Variants in HECW1 observed in about 807,000 individuals in gnomAD.
HECW1 encodes HECT, C2 and WW domain containing E3 ubiquitin protein ligase 1, also known as E3 ubiquitin-protein ligase HECW1.
Under a neutral mutation model 182.3 loss-of-function variants are expected in HECW1, and 61 were observed. That is an observed-to-expected ratio of 0.33 (90% CI 0.27 to 0.41). HECW1 has a LOEUF of 0.41. HECW1 is among the 10% of genes least tolerant of loss of function. HECW1 has a pLI of 1.00. For synonymous variants in HECW1, 859 were observed against 832.6 expected, an observed-to-expected ratio of 1.03 and a Z score of -0.55; for missense variants, 1,739 against 2,108.9, an observed-to-expected ratio of 0.82 and a Z score of 3.44.
chr7:43,210,301 G>A (rs1406841154), intron 2 of HECW1, among the ~76,000 whole-genome samples: 4 of 152,126 alleles, frequency 2.6e-5, no homozygotes, highest in African/African-American at 9.7e-5. Context: ...GGTGCATTGT[G>A]ATGAGGTGAG....
chr7:43,408,483 G>T (rs2075685383), intron 8 of HECW1, among the ~76,000 whole-genome samples: 1 of 149,710 alleles, frequency 6.7e-6, no homozygotes, highest in African/African-American at 2.5e-5. Flanking sequence ...AGAAGTTCAA[G>T]ACCAGCCTGG....
At position 43,360,966 on chromosome 7, in the gene HECW1, A is replaced by C. The variant is rs759139966; in HGVS notation, c.541A>C (p.Asn181His). The C allele has an allele frequency of 6.2e-7, 1 of 1,610,672 alleles. No homozygotes were observed. The highest frequency in any genetic ancestry group is 1.1e-5 in the South Asian group (1 of 90,398). Residue 181 changes from asparagine to histidine, a missense_variant, in exon 6 of 30, where the codon AAC becomes CAC. Around this residue, in one of 5 missense-constraint regions of HECW1, gnomAD observed 279 missense variants for 353.1 expected, o/e 0.79. Coordinates refer to ENST00000395891, the MANE Select transcript of HECW1 (RefSeq NM_015052.5). ...AACCACCCCCAGTGTCACGGTCAAAAACTCGGCAGCTCCTGTAAGTCTCAT... is the reference window on the plus strand; with the variant it reads ...AACCACCCCCAGTGTCACGGTCAAACACTCGGCAGCTCCTGTAAGTCTCAT... The part of the protein sequence containing the change: ...RATTPSVTVK[N>H]SAAPIFKSIG...
At chr7:43,473,143 C>T (rs1316635079) in intron 16 of HECW1, among the ~76,000 whole-genome samples, 1 of 152,192 alleles carries the variant, frequency 6.6e-6, no homozygotes, top group African/African-American at 2.4e-5. Flanking sequence ...AACAGCCTGG[C>T]ACCCACCCTC....
rs117148654 is a variant in HECW1, at chr7:43,304,356, G to A, written c.28-7407G>A. Among the ~76,000 whole-genome samples the A allele has an allele frequency of 2.4e-4, 37 of 152,264 alleles. No homozygotes were observed. In the East Asian group the frequency reaches 6.7e-3, roughly 28 times the overall value. On this transcript the variant is annotated intron_variant, in intron 3 of 29. Transcript: ENST00000395891. Reference sequence around the variant, plus strand: ...CAATTCGAGCAATTCTGGGCACCAAGCCTAGTGCTTACAAGAATTCCTGAG... The same window carrying A: ...CAATTCGAGCAATTCTGGGCACCAAACCTAGTGCTTACAAGAATTCCTGAG...
chr7:43,177,089 G>A (rs1167175740), intron 2 of HECW1, among the ~76,000 whole-genome samples: 1 of 152,156 alleles, frequency 6.6e-6, no homozygotes, highest in Non-Finnish European at 1.5e-5. Flanking sequence ...GAAATTGTAG[G>A]CAAACATTTT....
chr7:43,390,884 A>C lies in HECW1; in HGVS notation c.556-5930A>C, dbSNP rs547337640. On this transcript the variant is annotated intron_variant, in intron 6 of 29. Coordinates refer to ENST00000395891, the MANE Select transcript of HECW1 (RefSeq NM_015052.5). ...GCTGGAATGTAACAAAGAGCCCACCAAGAGTTTTGCCTAGGCTTTTCCTGG... is the reference window on the plus strand; with the variant it reads ...GCTGGAATGTAACAAAGAGCCCACCCAGAGTTTTGCCTAGGCTTTTCCTGG... Among the ~76,000 whole-genome samples, 60 of 152,292 alleles carry C rather than the reference A, an allele frequency of 3.9e-4. 1 individual carries two copies. The South Asian group carries it at 0.012, about 29-fold the overall frequency.
chr7:43,448,663 A>G (rs2077139418), intron 11 of HECW1, among the ~76,000 whole-genome samples: 1 of 152,214 alleles, frequency 6.6e-6, no homozygotes, highest in South Asian at 2.1e-4. Context: ...ATCTAAAACA[A>G]TCCTTTGAAT....
chr7:43,428,318 C>T (rs1018227622), intron 8 of HECW1, among the ~76,000 whole-genome samples: 1 of 152,176 alleles, frequency 6.6e-6, no homozygotes, highest in Non-Finnish European at 1.5e-5. Context: ...GATTGTATTC[C>T]ATTTTTGCAG....
At chr7:43,531,430 C>T (rs1007072046) in intron 24 of HECW1, among the ~76,000 whole-genome samples, 1 of 152,216 alleles carries the variant, frequency 6.6e-6, no homozygotes, top group African/African-American at 2.4e-5. Context: ...TCTTCCTATG[C>T]ACCTGGCACA....
At chr7:43,188,717 C>T (rs1291574838) in intron 2 of HECW1, among the ~76,000 whole-genome samples, 2 of 152,120 alleles carry the variant, frequency 1.3e-5, no homozygotes, top group African/African-American at 4.8e-5. Flanking sequence ...TACTTTGGGT[C>T]ACAATTCATT....
At chr7:43,358,585 A>G (rs1263396076) in intron 5 of HECW1, among the ~76,000 whole-genome samples, 9 of 152,248 alleles carry the variant, frequency 5.9e-5, no homozygotes, top group Admixed American at 6.5e-5. Flanking sequence ...AATGGCTTCA[A>G]AAAAATTTAA....
At chr7:43,472,485 G>C (rs1203648659) in intron 16 of HECW1, among the ~76,000 whole-genome samples, 1 of 152,094 alleles carries the variant, frequency 6.6e-6, no homozygotes, top group African/African-American at 2.4e-5. Context: ...CTAGTATATA[G>C]TTGGCATTCA....
intron 2 of HECW1, among the ~76,000 whole-genome samples, chr7:43,173,739 C>G (rs1191008900): frequency 1.3e-5 from 2 of 152,162 alleles, no homozygotes; most frequent in East Asian, 3.9e-4. Context: ...TCCAAACAGG[C>G]CAAGGACCAC....
intron 2 of HECW1, among the ~76,000 whole-genome samples, chr7:43,201,904 T>C (rs1347087174): frequency 6.6e-6 from 1 of 152,214 alleles, no homozygotes; most frequent in African/African-American, 2.4e-5. Flanking sequence ...TAATGGTTCA[T>C]GTGAGAGAAG....
chr7:43,498,490 G>A (rs2079199846), intron 19 of HECW1, among the ~76,000 whole-genome samples: 1 of 152,170 alleles, frequency 6.6e-6, no homozygotes, highest in Non-Finnish European at 1.5e-5. Flanking sequence ...AGATTCAAGA[G>A]CATCTTCCAA....
At chr7:43,332,026 G>A (rs979271758) in intron 5 of HECW1, among the ~76,000 whole-genome samples, 2 of 152,124 alleles carry the variant, frequency 1.3e-5, no homozygotes, top group East Asian at 1.9e-4. Context: ...TGTGGGTGAC[G>A]CAGGTGGCAG....
intron 6 of HECW1, among the ~76,000 whole-genome samples, chr7:43,390,156 G>A (rs1190473499): frequency 1.3e-5 from 2 of 152,132 alleles, no homozygotes; most frequent in African/African-American, 4.8e-5. Context: ...TAAGAGCCCT[G>A]AAATTGAGGA....
At chr7:43,416,361 C>G (rs1373655427) in intron 8 of HECW1, among the ~76,000 whole-genome samples, 1 of 151,128 alleles carries the variant, frequency 6.6e-6, no homozygotes, top group Non-Finnish European at 1.5e-5. Context: ...GGTCAGGGAC[C>G]CACTTGAGGA....
At chr7:43,466,624 G>A (rs997904305) in intron 15 of HECW1, 56 bp downstream of exon 15, 1 of 1,569,110 alleles carries the variant, frequency 6.4e-7, no homozygotes, top group South Asian at 1.1e-5. Flanking sequence ...CCAAAACACA[G>A]CTTTGTAAAG....
Sources: allele counts gnomAD v4.1 joint callset (sites outside exome capture counted in the v4.1 genomes callset), GRCh38; gene constraint gnomAD v4.1.1; regional missense constraint gnomAD v4.1.1; transcripts MANE v1.5; gene names NCBI Gene and HGNC (gene_info 2026-07-23, HGNC 2026-07-21).